The following DBF4B variants were observed in gnomAD, a reference collection of about 807,000 sequenced individuals.
The protein encoded by DBF4B is DBF4B-CDC7 kinase regulatory subunit, also known as protein DBF4 homolog B.
DBF4B carries 49 observed loss-of-function variants against 53.4 expected under a neutral mutation model. That is an observed-to-expected ratio of 0.92 (90% CI 0.73 to 1.16). DBF4B has a LOEUF of 1.16. Ranked by LOEUF, DBF4B falls within the 50% of genes most tolerant of loss-of-function variation. DBF4B has a pLI of 0.00. For missense variants in DBF4B, 692 were observed against 775.0 expected (o/e 0.89, Z 1.27); for synonymous variants, 257 against 288.7 (o/e 0.89, Z 1.11).
Position 44,752,252 on chromosome 17 carries a change from A to G in DBF4B, c.*999A>G, listed in dbSNP as rs543077662. On this transcript the variant is annotated 3_prime_UTR_variant, in exon 14 of 14. Coordinates refer to ENST00000315005, the MANE Select transcript of DBF4B (RefSeq NM_145663.3). ...TCAGGACCCTTTCCAATAATAAAAT[A>G]CTGTGACTGCCAGCAAATCTTTTAT... 2.4e-4 allele frequency: 108 copies of G among 441,312 alleles called. 1 individual carries two copies. The highest frequency in any genetic ancestry group is 2.1e-3 in the African/African-American group (104 of 50,394). 27.3% of individuals were successfully genotyped at this position (441,312 alleles called of 1,614,324 possible).
chr17:44,732,224 C>T lies in DBF4B; in HGVS notation c.515C>T (p.Thr172Ile), dbSNP rs1974901575. 4.3e-6 allele frequency: 7 copies of T among 1,613,996 alleles called. No individual in the cohort carries two copies. The highest frequency in any genetic ancestry group is 5.9e-6 in the Non-Finnish European group (7 of 1,180,042). ...GGSGGSSSLL[T>I]NARSWGVRIL... The stretch of plus-strand genomic sequence containing the variant: ...AGTGGGGGCAGCAGCAGCCTCCTGA[C>T]CAATGCCCGCTCTTGGGGAGTGAGG... The change falls in exon 6 of 14, where the codon ACC (threonine) becomes ATC (isoleucine). Residue 172 changes from threonine to isoleucine, a missense_variant. Coordinates refer to ENST00000315005, the MANE Select transcript of DBF4B (RefSeq NM_145663.3).
intron 2 of DBF4B, 150 bp downstream of exon 2, chr17:44,709,516 T>C: frequency 2.2e-6 from 2 of 929,352 alleles, no homozygotes; most frequent in Middle Eastern, 4.4e-4. Flanking sequence ...GGATGGGGTC[T>C]TGCTGTGTTG....
At chr17:44,737,954 A>C (rs1394047085) in intron 8 of DBF4B, among the ~76,000 whole-genome samples, 1 of 152,176 alleles carries the variant, frequency 6.6e-6, no homozygotes, top group African/African-American at 2.4e-5. Context: ...CTCCAGAAGC[A>C]AAGGGCTAGG....
chr17:44,717,688 A>C (rs1162273730), intron 2 of DBF4B, among the ~76,000 whole-genome samples: 1 of 139,970 alleles, frequency 7.1e-6, no homozygotes, highest in African/African-American at 2.8e-5. Flanking sequence ...TAGCCTGGGT[A>C]CAAAGCAAGA....
chr17:44,729,045 G>A (rs907983780), intron 3 of DBF4B, among the ~76,000 whole-genome samples: 8 of 151,852 alleles, frequency 5.3e-5, no homozygotes, highest in African/African-American at 1.5e-4. Flanking sequence ...AGAGTGAGCC[G>A]AGATCATGCC....
intron 2 of DBF4B, among the ~76,000 whole-genome samples, chr17:44,722,441 ACT>A (rs1973934483): frequency 6.6e-6 from 1 of 151,906 alleles, no homozygotes; most frequent in Admixed American, 6.6e-5. Flanking sequence ...TACCCTGCTG[ACT>A]CTGGTTAGGG....
chr17:44,734,282 G>C, intron 7 of DBF4B, 119 bp downstream of exon 7: 2 of 1,247,722 alleles, frequency 1.6e-6, no homozygotes, highest in Non-Finnish European at 2.3e-6. Context: ...AAAGATGGAA[G>C]AGGAATGCAG....
rs907143310 is a variant in DBF4B, at chr17:44,747,454, A to G, written c.1003A>G (p.Arg335Gly). ...LEAHLYAEVD[R>G]IIAQLSHSFA... is the part of the protein sequence containing the mutation. ...AGCCCATCTATATGCAGAAGTGGAC[A>G]GGATCATTGCTCAGCTCAGCCACAG... The change falls in exon 12 of 14, where the codon AGG (arginine) becomes GGG (glycine). Residue 335 changes from arginine to glycine, a missense_variant. Around this residue, in one of 3 missense-constraint regions of DBF4B, gnomAD observed 597 missense variants for 665.8 expected, o/e 0.90. Coordinates refer to ENST00000315005, the MANE Select transcript of DBF4B (RefSeq NM_145663.3). 3 of 1,614,050 alleles carry G rather than the reference A, an allele frequency of 1.9e-6. No homozygotes were observed. In the African/African-American group the frequency reaches 4.0e-5, roughly 22 times the overall value.
chr17:44,751,153 A>G lies in DBF4B; in HGVS notation c.1748A>G (p.Asn583Ser), dbSNP rs778656170. Residue 583 changes from asparagine to serine, a missense_variant, in exon 14 of 14, where the codon AAT (asparagine) becomes AGT (serine). Physicochemically the swap from Asn to Ser is conservative, Grantham distance 46. This residue lies in a region of DBF4B where 597 missense variants were observed against 665.8 expected (regional missense o/e 0.90). Transcript: ENST00000315005. Reference sequence around the variant, plus strand: ...ACCCTTGCCTTCCCCTCCTATCTCAATGATCATGACCTTGGACATCTCTGC... The same window carrying G: ...ACCCTTGCCTTCCCCTCCTATCTCAGTGATCATGACCTTGGACATCTCTGC... ...PCTLAFPSYL[N>S]DHDLGHLCQA... is the part of the protein sequence containing the mutation. 3 of 1,613,784 alleles carry G rather than the reference A, an allele frequency of 1.9e-6. No homozygotes were observed. The highest frequency in any genetic ancestry group is 1.6e-4 in the Middle Eastern group (1 of 6,084).
chr17:44,749,835 C>T lies in DBF4B; in HGVS notation c.1190-760C>T, dbSNP rs996458123. The T allele has an allele frequency of 2.8e-5, 29 of 1,033,370 alleles. No homozygotes were observed. The highest frequency in any genetic ancestry group is 1.7e-4 in the East Asian group (2 of 11,982). The allele number at this position is 1,033,370 out of a possible 1,614,324, so 64.0% of individuals were successfully genotyped here. On this transcript the variant is annotated intron_variant, in intron 13 of 13. Transcript: ENST00000315005. This position sits in a 1 kb window ranked among gnomAD's most constrained non-coding sequence, Gnocchi z 4.4. ...CCCCCAACCCCGGCCTCCTTTCTCA[C>T]GAGCATGTGGCCGCTCCTGCTTTCC...
intron 10 of DBF4B, among the ~76,000 whole-genome samples, chr17:44,742,088 C>CAA (rs201272304): frequency 2.3e-5 from 3 of 128,218 alleles, no homozygotes; most frequent in African/African-American, 8.3e-5. Flanking sequence ...TCTGCCTCTA[C>CAA]AAAAAATAAA....
intron 7 of DBF4B, among the ~76,000 whole-genome samples, chr17:44,735,367 TACTTTA>T (rs753278835): frequency 2.6e-5 from 4 of 152,162 alleles, no homozygotes; most frequent in Non-Finnish European, 5.9e-5. Context: ...ACAGCATTTT[TACTTTA>T]ACTTAATCAG....
chr17:44,751,312 A>G lies in DBF4B; in HGVS notation c.*59A>G. On this transcript the variant is annotated 3_prime_UTR_variant, in exon 14 of 14. Coordinates refer to ENST00000315005, the MANE Select transcript of DBF4B (RefSeq NM_145663.3). ...GATGGATGGGTGCTGCTTGATGTGA[A>G]TGAGGTCCCGCAGTGGCTCCTTGGC... The G allele has an allele frequency of 1.9e-6, 3 of 1,556,892 alleles. No homozygotes were observed. The highest frequency in any genetic ancestry group is 1.8e-5 in the Admixed American group (1 of 55,070).
Position 44,751,826 on chromosome 17 carries a change from T to G in DBF4B, c.*573T>G, listed in dbSNP as rs2049282537. 6.5e-7 allele frequency: 1 copy of G among 1,533,150 alleles called. No homozygotes were observed. The highest frequency in any genetic ancestry group is 2.0e-5 in the Admixed American group (1 of 50,872). 95.0% of individuals were successfully genotyped at this position (1,533,150 alleles called of 1,614,324 possible). On this transcript the variant is annotated 3_prime_UTR_variant, in exon 14 of 14. Coordinates refer to ENST00000315005, the MANE Select transcript of DBF4B (RefSeq NM_145663.3). ...TGACCAAAGTTGGTTCCTTTTCTCC[T>G]TTCTTTCCTCCTTGAAGCCTGGCTC... is the stretch of plus-strand genomic sequence containing the variant.
rs1465499538 is a variant in DBF4B, at chr17:44,730,996, A to C, written c.449A>C (p.Gln150Pro). The change falls in exon 5 of 14, where the codon CAG (glutamine) becomes CCG (proline). Residue 150 changes from glutamine (Q) to proline (P), a missense_variant. This residue lies in a region of DBF4B where 597 missense variants were observed against 665.8 expected (regional missense o/e 0.90). Transcript: ENST00000315005. ...CTAAGCAGAGGGAAGGAGCTGCTGC[A>C]GAAGGCTATCAGAAACCAGGTGAGC... ...VPLSRGKELL[Q>P]KAIRNQGSIS... The C allele has an allele frequency of 6.2e-7, 1 of 1,614,118 alleles. No homozygotes were observed. Among genetic ancestry groups the C allele is most frequent in the South Asian group, 1.1e-5 (1 of 91,084 alleles).
At chr17:44,746,952 C>G in intron 10 of DBF4B, 131 bp from the exon 11 acceptor site, 2 of 753,594 alleles carry the variant, frequency 2.7e-6, no homozygotes, top group Non-Finnish European at 4.5e-6. Context: ...GCCTGCCTGC[C>G]GGTGCCTGCA....
At chr17:44,750,189 T>C (rs2049244775) in intron 13 of DBF4B, 2 of 1,000,158 alleles carry the variant, frequency 2.0e-6, no homozygotes, top group South Asian at 4.5e-5. Flanking sequence ...CCTCCCCCCA[T>C]TTCTGGCAGC....
intron 10 of DBF4B, among the ~76,000 whole-genome samples, chr17:44,746,849 A>G (rs1193096410): frequency 2.0e-5 from 3 of 150,894 alleles, no homozygotes; most frequent in African/African-American, 7.3e-5. Context: ...GAGGACAGAG[A>G]TAAGACAGGC....
chr17:44,747,361 A>T (rs2049133353), intron 11 of DBF4B, 30 bp from the exon 12 acceptor site: 1 of 1,612,690 alleles, frequency 6.2e-7, no homozygotes, highest in Non-Finnish European at 8.5e-7. Flanking sequence ...GCCTCATCTA[A>T]TGCCCTGTGC....
Sources: gnomAD v4.1 joint callset for allele counts (sites outside exome capture counted in the v4.1 genomes callset) on GRCh38, gnomAD v4.1.1 for gene constraint, gnomAD v4.1.1 regional missense constraint, Gnocchi (gnomAD v3.1) non-coding constraint, MANE v1.5 for transcripts, NCBI Gene and HGNC (gene_info 2026-07-23, HGNC 2026-07-21) for gene names.